NKIRAS1: variants seen among roughly 807,000 people sequenced by gnomAD.
NKIRAS1 encodes the protein NFKB inhibitor interacting Ras like 1.
Under a neutral mutation model 19.8 loss-of-function variants are expected in NKIRAS1, and 16 were observed. That is an observed-to-expected ratio of 0.81 (90% CI 0.55 to 1.23). NKIRAS1 has a LOEUF of 1.23. Ranked by LOEUF, NKIRAS1 falls within the 50% of genes most tolerant of loss-of-function variation. NKIRAS1 has a pLI of 0.00. For missense variants in NKIRAS1, 184 were observed against 220.0 expected (o/e 0.84, Z 1.04); for synonymous variants, 88 against 79.0 (o/e 1.11, Z -0.61).
At chr3:23,940,292 T>C (rs13314607) in intron 1 of NKIRAS1, among the ~76,000 whole-genome samples, 24,712 of 151,708 alleles carry the variant, frequency 0.16, 2,218 homozygotes, top group Non-Finnish European at 0.2. Context: ...CTGTAATAAG[T>C]TATATGATTG....
chr3:23,933,399 A>G (rs1705346605), intron 1 of NKIRAS1, among the ~76,000 whole-genome samples: 1 of 152,200 alleles, frequency 6.6e-6, no homozygotes, highest in Non-Finnish European at 1.5e-5. Flanking sequence ...GTCCAGAGAC[A>G]TTTTTGGTTG....
chr3:23,936,964 C>T (rs1158628171), intron 1 of NKIRAS1, among the ~76,000 whole-genome samples: 3 of 152,296 alleles, frequency 2.0e-5, no homozygotes, highest in South Asian at 4.1e-4. Flanking sequence ...GGGAAGAATG[C>T]GCTGCACTTG....
upstream of NKIRAS1, chr3:23,920,394 T>C (rs890597613): frequency 6.1e-6 from 6 of 985,246 alleles, no homozygotes; most frequent in African/African-American, 7.0e-5. Context: ...TCCAACCATA[T>C]GTGTTTTCTG....
At chr3:23,898,601 G>A (rs1407552267) in intron 4 of NKIRAS1, among the ~76,000 whole-genome samples, 3 of 151,968 alleles carry the variant, frequency 2.0e-5, no homozygotes, top group East Asian at 1.9e-4. Context: ...GTGCTACCAC[G>A]CCAGGCTAAT....
Position 23,926,111 on chromosome 3 carries a change from C to T in NKIRAS1, c.-139-14661G>A, listed in dbSNP as rs184043917. 6.1e-4 allele frequency among the ~76,000 whole-genome samples: 93 copies of T among 152,198 alleles called. 1 individual carries two copies. The highest frequency in any genetic ancestry group is 2.2e-3 in the African/African-American group (91 of 41,526). Reference sequence around the variant, plus strand: ...TGTCGCCCAGGCTGGAGTGCAGTGGCACAATCTTGGCTCACTGTAACCTCT... The same window carrying T: ...TGTCGCCCAGGCTGGAGTGCAGTGGTACAATCTTGGCTCACTGTAACCTCT... On this transcript the variant is annotated intron_variant, in intron 1 of 4. Coordinates refer to the NKIRAS1 transcript ENST00000421515. This position sits in a 1 kb window ranked among gnomAD's most constrained non-coding sequence, Gnocchi z 4.3.
rs1705221269 is a variant in NKIRAS1, at chr3:23,926,727, T to C, written c.-139-15277A>G. Among the ~76,000 whole-genome samples, 1 of 152,216 alleles carries C rather than the reference T, an allele frequency of 6.6e-6. No homozygotes were observed. Among genetic ancestry groups the C allele is most frequent in the African/African-American group, 2.4e-5 (1 of 41,460 alleles). ...CCCAATGGTACAAACTGTAGAAGAA[T>C]GAACTGCTACAACACCTTTTCTAAG... On this transcript the variant is annotated intron_variant, in intron 1 of 4. Transcript: ENST00000421515. The surrounding 1 kb of genome is among the most constrained non-coding windows in gnomAD (Gnocchi z 4.3).
intron 1 of NKIRAS1, among the ~76,000 whole-genome samples, chr3:23,933,958 A>C (rs959409318): frequency 2.0e-5 from 3 of 152,198 alleles, no homozygotes; most frequent in African/African-American, 7.2e-5. Flanking sequence ...CATCTTTTAC[A>C]ATGTGGCTAA....
intron 1 of NKIRAS1, chr3:23,923,982 T>C (rs923018602): frequency 1.3e-5 from 2 of 152,228 alleles, no homozygotes; most frequent in African/African-American, 4.8e-5. Flanking sequence ...TACATTGTTT[T>C]CCTGGCCTCT....
At chr3:23,942,956 C>G (rs80158063) in intron 1 of NKIRAS1, among the ~76,000 whole-genome samples, 3,538 of 152,204 alleles carry the variant, frequency 0.023, 165 homozygotes, top group African/African-American at 0.082. Context: ...CCATATCGCC[C>G]AGGCTAGTCT....
chr3:23,937,332 G>GGAAAAAGAAAAAGAAAAAAAGAAAA (rs1705414084), intron 1 of NKIRAS1, among the ~76,000 whole-genome samples: 1 of 151,196 alleles, frequency 6.6e-6, no homozygotes, highest in South Asian at 2.1e-4. Flanking sequence ...GACTCTGTCT[G>GGAAAAAGAAAAAGAAAAAAAGAAAA]GAAAAAGAAA....
intron 1 of NKIRAS1, among the ~76,000 whole-genome samples, chr3:23,931,334 A>G (rs1277942241): frequency 6.6e-6 from 1 of 152,196 alleles, no homozygotes; most frequent in African/African-American, 2.4e-5. Flanking sequence ...AAATTTGATT[A>G]AGTATGTTCA....
chr3:23,903,677 T>C (rs1266284794), intron 3 of NKIRAS1, among the ~76,000 whole-genome samples: 2 of 151,518 alleles, frequency 1.3e-5, no homozygotes, highest in Admixed American at 6.6e-5. Flanking sequence ...TACAAAAATA[T>C]TGAGAGATGA....
chr3:23,946,113 C>G, intron 1 of NKIRAS1: 2 of 984,918 alleles, frequency 2.0e-6, no homozygotes, highest in Non-Finnish European at 2.4e-6. Context: ...AGTGACGTCG[C>G]CGCGATTCCC....
intron 1 of NKIRAS1, among the ~76,000 whole-genome samples, chr3:23,911,924 G>A (rs775243658): frequency 3.3e-5 from 5 of 151,932 alleles, no homozygotes; most frequent in East Asian, 1.9e-4. Flanking sequence ...CACCATGCCC[G>A]GTGAAATTTT....
At chr3:23,920,495 G>A, upstream of NKIRAS1, 1 of 985,172 alleles carries the variant, frequency 1.0e-6, no homozygotes, top group Non-Finnish European at 1.2e-6. Context: ...CTTTGACTAT[G>A]AGTATACCAC....
At chr3:23,901,172 T>A in intron 3 of NKIRAS1, 123 bp from the exon 4 acceptor site, 1 of 1,085,338 alleles carries the variant, frequency 9.2e-7, no homozygotes, top group Non-Finnish European at 1.3e-6. Context: ...ATCACATTTC[T>A]ATTTTACTTT....
chr3:23,944,893 G>A (rs1705590578), intron 1 of NKIRAS1, among the ~76,000 whole-genome samples: 1 of 152,000 alleles, frequency 6.6e-6, no homozygotes, highest in South Asian at 2.1e-4. Flanking sequence ...CGGCCCAGCC[G>A]GGGTCCTGAG....
chr3:23,935,250 A>G lies in NKIRAS1; in HGVS notation c.-140+11073T>C, dbSNP rs75864104. On this transcript the variant is annotated intron_variant, in intron 1 of 4. Coordinates refer to the NKIRAS1 transcript ENST00000421515. Reference sequence around the variant, plus strand: ...GACAATGGCTAAAACTAAACATGGTAAGATTTATTGCCAACTCAAAAATAA... The same window carrying G: ...GACAATGGCTAAAACTAAACATGGTGAGATTTATTGCCAACTCAAAAATAA... Among the ~76,000 whole-genome samples the G allele has an allele frequency of 8.9e-3, 1,362 of 152,208 alleles. 19 individuals are homozygous for G. Among genetic ancestry groups the G allele is most frequent in the African/African-American group, 0.031 (1,286 of 41,512 alleles).
In NKIRAS1 at chr3:23,902,625, A is replaced by G. The variant is rs183688652; in HGVS notation, c.95-1576T>C. 2.1e-3 allele frequency among the ~76,000 whole-genome samples: 320 copies of G among 152,246 alleles called. 2 individuals carry two copies. Among genetic ancestry groups the G allele is most frequent in the Non-Finnish European group, 2.3e-3 (154 of 68,018 alleles). On this transcript the variant is annotated intron_variant, in intron 3 of 4. Transcript: ENST00000425478. ...AGCCCACCTCCACCTGCCTCTCCAA[A>G]AGGGGGTCTAAAGTTTAGACCTTTT...
Sources: allele counts gnomAD v4.1 joint callset (sites outside exome capture counted in the v4.1 genomes callset), GRCh38; gene constraint gnomAD v4.1.1; non-coding constraint Gnocchi (gnomAD v3.1); transcripts MANE v1.5; gene names NCBI Gene and HGNC (gene_info 2026-07-23, HGNC 2026-07-21).